The following FRAS1 variants were observed in gnomAD, a reference collection of about 807,000 sequenced individuals.
FRAS1 encodes extracellular matrix organizing protein FRAS1.
Under a neutral mutation model 435.2 loss-of-function variants are expected in FRAS1, and 290 were observed. That is an observed-to-expected ratio of 0.67 (90% CI 0.61 to 0.73). FRAS1 has a LOEUF of 0.73. Ranked by LOEUF, FRAS1 falls within the 30% of genes least tolerant of loss-of-function variation. The pLI, the probability that FRAS1 is intolerant of heterozygous loss-of-function variation, is 0.00. For missense variants in FRAS1, 4,860 were observed against 5,001.5 expected (o/e 0.97, Z 0.85); for synonymous variants, 1,800 against 1,851.0 (o/e 0.97, Z 0.71).
At chr4:78,310,892 TCTCAAAGTCAAGTACTTAGAAAA>T (rs1177402456) in intron 15 of FRAS1, among the ~76,000 whole-genome samples, 1 of 152,198 alleles carries the variant, frequency 6.6e-6, no homozygotes, top group African/African-American at 2.4e-5. Flanking sequence ...TCTGTAGAAA[TCTCAAAGTCAAGTACTTAGAAAA>T]AACCAGCATA....
chr4:78,445,227 C>T (rs936544204), intron 41 of FRAS1, among the ~76,000 whole-genome samples: 1 of 152,098 alleles, frequency 6.6e-6, no homozygotes, highest in Admixed American at 6.5e-5. Context: ...AATAAAACAA[C>T]CAGTGGTTCT....
chr4:78,208,557 A>G (rs1348615889), intron 2 of FRAS1, among the ~76,000 whole-genome samples: 1 of 152,166 alleles, frequency 6.6e-6, no homozygotes, highest in East Asian at 1.9e-4. Flanking sequence ...GAGGGGAGAA[A>G]TCTTCAGTGA....
At chr4:78,312,880 A>AGAGAGAGAGAGAGAAT (rs1729089660) in intron 15 of FRAS1, among the ~76,000 whole-genome samples, 1 of 56,766 alleles carries the variant, frequency 1.8e-5, no homozygotes, top group Admixed American at 2.1e-4. Flanking sequence ...AGAGAGAGAG[A>AGAGAGAGAGAGAGAAT]GAAAGAAAGA....
chr4:78,137,382 T>G lies in FRAS1; in HGVS notation c.108+71366T>G, dbSNP rs750650829. ...ATATTTCTGTGTTGGTGTGTGTATA[T>G]AAATATGTATACATATATATTTTTT... On this transcript the variant is annotated intron_variant, in intron 2 of 73. Transcript: ENST00000512123. 3.9e-5 allele frequency among the ~76,000 whole-genome samples: 6 copies of G among 152,334 alleles called. No individual in the cohort carries two copies. The East Asian group carries it at 5.8e-4, about 15-fold the overall frequency.
intron 2 of FRAS1, among the ~76,000 whole-genome samples, chr4:78,123,547 A>G (rs528727926): frequency 6.6e-6 from 1 of 152,296 alleles, no homozygotes; most frequent in South Asian, 2.1e-4. Flanking sequence ...AATAGCATTG[A>G]ATACATAAAT....
At chr4:78,230,705 C>T (rs1355123926) in intron 2 of FRAS1, among the ~76,000 whole-genome samples, 3 of 152,066 alleles carry the variant, frequency 2.0e-5, no homozygotes, top group Non-Finnish European at 4.4e-5. Flanking sequence ...TTGAATATTG[C>T]GTCCTGTTCG....
intron 70 of FRAS1, among the ~76,000 whole-genome samples, chr4:78,533,362 T>A (rs1721779988): frequency 6.6e-6 from 1 of 152,090 alleles, no homozygotes; most frequent in Non-Finnish European, 1.5e-5. Flanking sequence ...GCACTAGAGA[T>A]CATGGAGTAG....
chr4:78,221,274 T>C (rs879315016), intron 2 of FRAS1, among the ~76,000 whole-genome samples: 16 of 152,216 alleles, frequency 1.1e-4, no homozygotes, highest in Non-Finnish European at 1.8e-4. Flanking sequence ...TGTTCTCCAT[T>C]AGTATTGTAA....
chr4:78,494,713 CCT>C (rs1720462579), intron 59 of FRAS1, among the ~76,000 whole-genome samples: 11 of 152,116 alleles, frequency 7.2e-5, no homozygotes, highest in Admixed American at 7.2e-4. Flanking sequence ...CTATATTTTA[CCT>C]ATGCACTCTC....
At chr4:78,421,450 C>T (rs1299123801) in intron 33 of FRAS1, among the ~76,000 whole-genome samples, 1 of 152,078 alleles carries the variant, frequency 6.6e-6, no homozygotes, top group Admixed American at 6.5e-5. Context: ...GCCCAGCCTC[C>T]CTGCCTTATA....
intron 26 of FRAS1, among the ~76,000 whole-genome samples, chr4:78,376,796 G>A (rs1042028988): frequency 6.6e-6 from 1 of 152,066 alleles, no homozygotes; most frequent in East Asian, 1.9e-4. Flanking sequence ...TTCAAGACCA[G>A]CCTGGTCAAC....
chr4:78,180,556 T>G (rs1721954348), intron 2 of FRAS1, among the ~76,000 whole-genome samples: 1 of 152,168 alleles, frequency 6.6e-6, no homozygotes, highest in Admixed American at 6.5e-5. Flanking sequence ...ACACCTATAT[T>G]TCAAGTTTGG....
intron 29 of FRAS1, among the ~76,000 whole-genome samples, chr4:78,387,982 G>C (rs1183901500): frequency 1.3e-5 from 2 of 152,104 alleles, no homozygotes; most frequent in African/African-American, 4.8e-5. Flanking sequence ...TCTCCTGCCT[G>C]AGCATAACCA....
At chr4:78,447,637 T>C (rs1718894887) in intron 43 of FRAS1, among the ~76,000 whole-genome samples, 1 of 152,130 alleles carries the variant, frequency 6.6e-6, no homozygotes, top group African/African-American at 2.4e-5. Context: ...TCTCTCTTAA[T>C]TGAAAAGGAA....
intron 2 of FRAS1, among the ~76,000 whole-genome samples, chr4:78,140,938 A>G (rs541039256): frequency 9.9e-5 from 15 of 152,270 alleles, no homozygotes. Flanking sequence ...TGGCTTTTAG[A>G]AGAGTCACAA....
At chr4:78,524,764 T>C (rs774331686) in intron 69 of FRAS1, among the ~76,000 whole-genome samples, 6 of 152,088 alleles carry the variant, frequency 3.9e-5, no homozygotes, top group Non-Finnish European at 8.8e-5. Context: ...GGACTTAAAG[T>C]AAGGAGACAC....
intron 14 of FRAS1, among the ~76,000 whole-genome samples, chr4:78,301,665 G>A (rs1047541605): frequency 6.6e-6 from 1 of 152,126 alleles, no homozygotes; most frequent in African/African-American, 2.4e-5. Flanking sequence ...TGGACACTCT[G>A]TGGTGTGTGT....
intron 2 of FRAS1, among the ~76,000 whole-genome samples, chr4:78,099,244 CAT>C (rs1456717027): frequency 2.0e-5 from 3 of 152,162 alleles, no homozygotes; most frequent in East Asian, 1.9e-4. Context: ...TTACCTCACA[CAT>C]GTGTGTGCAG....
chr4:78,330,632 G>C (rs1044993343), intron 18 of FRAS1, among the ~76,000 whole-genome samples: 2 of 152,136 alleles, frequency 1.3e-5, no homozygotes, highest in African/African-American at 4.8e-5. Flanking sequence ...TCTTATGGTC[G>C]AGACTGCAGG....
Sources: gnomAD v4.1 joint callset for allele counts (sites outside exome capture counted in the v4.1 genomes callset) on GRCh38, gnomAD v4.1.1 for gene constraint, MANE v1.5 for transcripts, NCBI Gene and HGNC (gene_info 2026-07-23, HGNC 2026-07-21) for gene names.